The following VTI1A variants were observed in gnomAD, a reference collection of about 807,000 sequenced individuals.
VTI1A encodes vesicle transport through interaction with t-SNAREs homolog 1A.
Under a neutral mutation model 34.9 loss-of-function variants are expected in VTI1A, and 22 were observed. The ratio of observed to expected loss-of-function variants is 0.63; its 90% confidence interval spans 0.45 to 0.90. VTI1A has a LOEUF of 0.90. VTI1A is among the 40% of genes least tolerant of loss of function. The probability of loss-of-function intolerance (pLI) is 0.00; values close to 1 mark genes in which losing one functional copy is unlikely to be tolerated. For synonymous variants in VTI1A, 87 were observed against 97.3 expected (o/e 0.89, Z 0.62); for missense variants, 268 against 275.6 (o/e 0.97, Z 0.20).
chr10:112,654,049 C>G (rs1400584271), intron 5 of VTI1A, among the ~76,000 whole-genome samples: 2 of 152,148 alleles, frequency 1.3e-5, no homozygotes, highest in Admixed American at 6.5e-5. Flanking sequence ...TTGTTGTATT[C>G]TGTATTTTAG....
chr10:112,680,551 G>A (rs1353777434), intron 7 of VTI1A, among the ~76,000 whole-genome samples: 2 of 152,174 alleles, frequency 1.3e-5, no homozygotes, highest in African/African-American at 4.8e-5. Flanking sequence ...AAGGGCATAT[G>A]GAGATTCCCT....
intron 5 of VTI1A, among the ~76,000 whole-genome samples, chr10:112,622,303 A>G (rs12267930): frequency 0.11 from 16,156 of 152,132 alleles, 953 homozygotes; most frequent in Middle Eastern, 0.15. Flanking sequence ...CACTAGACAC[A>G]CCCAGCTGAA....
chr10:112,799,483 G>A (rs1022002394), intron 7 of VTI1A, among the ~76,000 whole-genome samples: 1 of 152,150 alleles, frequency 6.6e-6, no homozygotes, highest in Non-Finnish European at 1.5e-5. Flanking sequence ...GCAGCCCCTC[G>A]CTTTAGAAAA....
At chr10:112,454,103 A>G (rs1847342607) in intron 1 of VTI1A, among the ~76,000 whole-genome samples, 1 of 152,224 alleles carries the variant, frequency 6.6e-6, no homozygotes, top group South Asian at 2.1e-4. Flanking sequence ...ATACCCATTT[A>G]AAAATTATCT....
Position 112,611,610 on chromosome 10 carries a change from T to G in VTI1A, c.428-56608T>G, listed in dbSNP as rs926264145. Among the ~76,000 whole-genome samples, 4 of 152,132 alleles carry G rather than the reference T, an allele frequency of 2.6e-5. 1 individual carries two copies. The highest frequency in any genetic ancestry group is 9.7e-5 in the African/African-American group (4 of 41,414). On this transcript the variant is annotated intron_variant, in intron 5 of 7. Coordinates refer to ENST00000393077, the MANE Select transcript of VTI1A (RefSeq NM_145206.4). ...ATAATTAATTTTTAATGTCAGCACC[T>G]AAATTGATGTTTTTCGCATATAAAA...
At chr10:112,822,065 A>G (rs1219777173), downstream of VTI1A, among the ~76,000 whole-genome samples, 5 of 152,124 alleles carry the variant, frequency 3.3e-5, no homozygotes, top group Admixed American at 2.6e-4. Context: ...CCTCTAAGTG[A>G]GTTGTCTGAC....
intron 3 of VTI1A, among the ~76,000 whole-genome samples, chr10:112,492,478 GA>G (rs1848862405): frequency 6.6e-6 from 1 of 151,974 alleles, no homozygotes; most frequent in Non-Finnish European, 1.5e-5. Flanking sequence ...TTCTCCTATA[GA>G]CCAGCTACTT....
At chr10:112,624,510 C>G (rs555922667) in intron 5 of VTI1A, among the ~76,000 whole-genome samples, 1 of 151,832 alleles carries the variant, frequency 6.6e-6, no homozygotes, top group East Asian at 1.9e-4. Context: ...CCTAGGATAC[C>G]TGGGAAGGTT....
At chr10:112,485,956 T>C (rs1166328603) in intron 3 of VTI1A, among the ~76,000 whole-genome samples, 2 of 152,216 alleles carry the variant, frequency 1.3e-5, no homozygotes, top group African/African-American at 2.4e-5. Flanking sequence ...AATGTTTTTT[T>C]CCCATGCTCA....
intron 5 of VTI1A, among the ~76,000 whole-genome samples, chr10:112,621,190 C>A (rs1052139089): frequency 2.0e-5 from 3 of 152,188 alleles, no homozygotes; most frequent in Admixed American, 2.0e-4. Context: ...TGTTTCGCTG[C>A]AGAAGGAGGC....
chr10:112,490,290 G>A (rs565200218), intron 3 of VTI1A, among the ~76,000 whole-genome samples: 6 of 152,178 alleles, frequency 3.9e-5, no homozygotes, highest in South Asian at 4.1e-4. Context: ...ACAACCTGTC[G>A]GTGATTAAAT....
At chr10:112,520,085 A>G (rs1849960234) in intron 3 of VTI1A, among the ~76,000 whole-genome samples, 1 of 152,120 alleles carries the variant, frequency 6.6e-6, no homozygotes. Context: ...AATCATTAAC[A>G]AAGAAAATAA....
intron 5 of VTI1A, among the ~76,000 whole-genome samples, chr10:112,615,505 G>T (rs1393224801): frequency 6.6e-6 from 1 of 152,154 alleles, no homozygotes; most frequent in Non-Finnish European, 1.5e-5. Context: ...GCAGACACTT[G>T]TTAGGTACAG....
chr10:112,837,131 G>A, the VTI1A span, among the ~76,000 whole-genome samples: 6 of 152,176 alleles, frequency 3.9e-5, no homozygotes, highest in African/African-American at 1.4e-4. Context: ...GACCAGCCTG[G>A]CCAACATGGT....
chr10:112,774,971 T>C (rs1851918260), intron 7 of VTI1A, among the ~76,000 whole-genome samples: 1 of 152,182 alleles, frequency 6.6e-6, no homozygotes, highest in African/African-American at 2.4e-5. Flanking sequence ...AAATAAGCTT[T>C]CGACGCCTGA....
At chr10:112,809,951 G>A (rs1853226002) in intron 7 of VTI1A, among the ~76,000 whole-genome samples, 1 of 152,122 alleles carries the variant, frequency 6.6e-6, no homozygotes, top group Admixed American at 6.5e-5. Context: ...GTAGATCAAG[G>A]ACCTGGTTTT....
intron 3 of VTI1A, among the ~76,000 whole-genome samples, chr10:112,525,780 T>C (rs1850202177): frequency 6.6e-6 from 1 of 152,184 alleles, no homozygotes; most frequent in Non-Finnish European, 1.5e-5. Context: ...TTAAAGTCTA[T>C]TGGTTGTTCT....
intron 3 of VTI1A, among the ~76,000 whole-genome samples, chr10:112,491,996 T>C (rs903131883): frequency 6.6e-6 from 1 of 152,196 alleles, no homozygotes; most frequent in Admixed American, 6.5e-5. Flanking sequence ...GATTTTAGTT[T>C]AGTTGGTCTA....
rs563585808 is a variant in VTI1A, at chr10:112,767,628, T to C, written c.561-47662T>C. ...ACTCCCTAATGTTAAATGCATTCGT[T>C]TGAGTTTTCAACTAAAGGGTCTTTC... On this transcript the variant is annotated intron_variant, in intron 7 of 7. Transcript: ENST00000393077. The surrounding 1 kb of genome is among the most constrained non-coding windows in gnomAD (Gnocchi z 4.0). Among the ~76,000 whole-genome samples the C allele has an allele frequency of 6.6e-6, 1 of 151,920 alleles. No homozygotes were observed. The highest frequency in any genetic ancestry group is 1.5e-5 in the Non-Finnish European group (1 of 68,018).
Sources: gnomAD v4.1 joint callset for allele counts (sites outside exome capture counted in the v4.1 genomes callset) on GRCh38, gnomAD v4.1.1 for gene constraint, Gnocchi (gnomAD v3.1) non-coding constraint, MANE v1.5 for transcripts, NCBI Gene and HGNC (gene_info 2026-07-23, HGNC 2026-07-21) for gene names.